The following ICA1 variants were observed in gnomAD, a reference collection of about 807,000 sequenced individuals.
ICA1 encodes the protein islet cell autoantigen 1, also known as 69 kDa islet cell autoantigen.
In ICA1, 40 loss-of-function variants were observed where a neutral mutation model predicts 71.0. The ratio of observed to expected loss-of-function variants is 0.56; its 90% CI spans 0.44 to 0.73. ICA1 has a LOEUF of 0.73. Ranked by LOEUF, ICA1 falls within the 30% of genes least tolerant of loss-of-function variation. The probability of loss-of-function intolerance (pLI) is 0.00; values close to 1 mark genes in which losing one functional copy is unlikely to be tolerated. For synonymous variants in ICA1, 207 were observed against 209.5 expected (o/e 0.99, Z 0.10); for missense variants, 578 against 576.5 (o/e 1.00, Z -0.03).
intron 1 of ICA1, among the ~76,000 whole-genome samples, chr7:8,249,548 T>C (rs1260856541): frequency 1.3e-5 from 2 of 152,242 alleles, no homozygotes; most frequent in Admixed American, 6.5e-5. Flanking sequence ...CCTGCCTTTG[T>C]TAGGGAGTTA....
chr7:8,141,909 A>C, intron 9 of ICA1, 92 bp from the exon 10 acceptor site: 1 of 1,298,534 alleles, frequency 7.7e-7, no homozygotes, highest in Non-Finnish European at 1.1e-6. Flanking sequence ...CTTCACTTTT[A>C]ACACAAACAC....
chr7:8,203,409 A>C (rs1477539360), intron 6 of ICA1, among the ~76,000 whole-genome samples: 1 of 152,230 alleles, frequency 6.6e-6, no homozygotes, highest in Non-Finnish European at 1.5e-5. Flanking sequence ...CTTCTAAAAT[A>C]GAGCAAAATT....
rs183332044 is a variant in ICA1, at chr7:8,189,027, C to G, written c.579+29278G>C. Among the ~76,000 whole-genome samples the G allele has an allele frequency of 6.2e-4, 94 of 152,270 alleles. 1 individual carries two copies. In the South Asian group the frequency reaches 6.2e-3, roughly 10 times the overall value. ...TAAAATAGAAATCAGGGGAGTGAGC[C>G]CGCGAGCCAACCCCTCTGCAAAGAC... On this transcript the variant is annotated intron_variant, in intron 6 of 13. Coordinates refer to ENST00000402384, the MANE Select transcript of ICA1 (RefSeq NM_001136020.3).
chr7:8,234,385 T>C lies in ICA1; in HGVS notation c.17+1525A>G, dbSNP rs1329078081. Among the ~76,000 whole-genome samples, 1 of 152,144 alleles carries C rather than the reference T, an allele frequency of 6.6e-6. No individual in the cohort carries two copies. Among genetic ancestry groups the C allele is most frequent in the African/African-American group, 2.4e-5 (1 of 41,438 alleles). ...ACATCCTCTTTGGACCTAGAGTCCCTGCCCCAAAGGCTCCCCTGACCCCCC... is the reference window on the plus strand; with the variant it reads ...ACATCCTCTTTGGACCTAGAGTCCCCGCCCCAAAGGCTCCCCTGACCCCCC... On this transcript the variant is annotated intron_variant, in intron 2 of 13. Transcript: ENST00000402384. The surrounding 1 kb of genome is among the most constrained non-coding windows in gnomAD (Gnocchi z 4.5).
At chr7:8,152,817 TCC>T (rs1562704199) in intron 8 of ICA1, among the ~76,000 whole-genome samples, 9 of 75,642 alleles carry the variant, frequency 1.2e-4, no homozygotes, top group African/African-American at 4.3e-4. Flanking sequence ...CACCACCATC[TCC>T]TTCAACACCA....
chr7:8,250,006 C>T (rs900155165), intron 1 of ICA1, among the ~76,000 whole-genome samples: 6 of 152,212 alleles, frequency 3.9e-5, no homozygotes, highest in Admixed American at 2.0e-4. Context: ...GGGAGGAACA[C>T]GGCCTGAGAG....
chr7:8,156,998 C>G, intron 8 of ICA1, 118 bp downstream of exon 8: 1 of 1,592,470 alleles, frequency 6.3e-7, no homozygotes, highest in Non-Finnish European at 8.6e-7. Flanking sequence ...GGGCACAGTT[C>G]TCTCTTCAGC....
At chr7:8,127,739 G>A in intron 13 of ICA1, 134 bp downstream of exon 13, 1 of 915,970 alleles carries the variant, frequency 1.1e-6, no homozygotes, top group Non-Finnish European at 1.7e-6. Flanking sequence ...ATGTGATTCT[G>A]AGTCTCCAGT....
intron 5 of ICA1, 26 bp downstream of exon 5, chr7:8,221,249 A>G: frequency 6.2e-7 from 1 of 1,612,780 alleles, no homozygotes; most frequent in Non-Finnish European, 8.5e-7. Flanking sequence ...ATCCCCCCAG[A>G]TAGAACCCCA....
chr7:8,171,600 GTTT>G (rs1808366363), intron 6 of ICA1, among the ~76,000 whole-genome samples: 1 of 148,592 alleles, frequency 6.7e-6, no homozygotes, highest in South Asian at 2.2e-4. Flanking sequence ...TTTCTCTATT[GTTT>G]TCTGTTTATG....
At chr7:8,233,597 T>C (rs1043285724) in intron 2 of ICA1, among the ~76,000 whole-genome samples, 8 of 152,032 alleles carry the variant, frequency 5.3e-5, no homozygotes, top group Non-Finnish European at 1.0e-4. Flanking sequence ...GGTTTCACTA[T>C]GTTGGCCAGG....
intron 1 of ICA1, among the ~76,000 whole-genome samples, chr7:8,251,061 C>T (rs2128525868): frequency 6.6e-6 from 1 of 152,046 alleles, no homozygotes; most frequent in South Asian, 2.1e-4. Flanking sequence ...CCAATAGGCC[C>T]AGCTAATTTT....
chr7:8,154,338 T>G (rs999257052), intron 8 of ICA1, among the ~76,000 whole-genome samples: 1 of 152,224 alleles, frequency 6.6e-6, no homozygotes. Context: ...TCTGTAATTC[T>G]GTAGCAAAAA....
chr7:8,251,551 T>C (rs1808210946), intron 1 of ICA1, among the ~76,000 whole-genome samples: 1 of 151,006 alleles, frequency 6.6e-6, no homozygotes, highest in Non-Finnish European at 1.5e-5. Context: ...GAACACAACA[T>C]CCTTTTCAAT....
intron 6 of ICA1, among the ~76,000 whole-genome samples, chr7:8,214,766 C>G (rs1285133117): frequency 6.6e-6 from 1 of 152,190 alleles, no homozygotes. Flanking sequence ...TCAGGTTTTT[C>G]ATTCATCATT....
intron 12 of ICA1, among the ~76,000 whole-genome samples, chr7:8,129,562 C>A (rs1050891710): frequency 6.6e-6 from 1 of 152,088 alleles, no homozygotes; most frequent in Non-Finnish European, 1.5e-5. Context: ...TCACTTTAGT[C>A]GGACAACTGT....
At position 8,113,647 on chromosome 7, in the gene ICA1, G is replaced by A. The variant is rs771844418; in HGVS notation, c.*276C>T. 49 of 278,388 alleles carry A rather than the reference G, an allele frequency of 1.8e-4. No homozygotes were observed. Among genetic ancestry groups the A allele is most frequent in the Non-Finnish European group, 2.6e-4 (37 of 144,542 alleles). The allele number at this position is 278,388 out of a possible 1,614,324, so 17.2% of individuals were successfully genotyped here. On this transcript the variant is annotated 3_prime_UTR_variant, in exon 14 of 14. Transcript: ENST00000402384. This position sits in a 1 kb window ranked among gnomAD's most constrained non-coding sequence, Gnocchi z 4.2. ...GATCTCACGGTAGCCCAGTGACACCGCAGCAGCCATGATGGGATGTAGGCA... is the reference window on the plus strand; with the variant it reads ...GATCTCACGGTAGCCCAGTGACACCACAGCAGCCATGATGGGATGTAGGCA...
chr7:8,237,118 C>G lies in ICA1; in HGVS notation c.-79-1113G>C, dbSNP rs3779359. ...AGAATTTCCAGAGTGTCAGATGCCTCTGATATGACAGCATCCTGCAGTGAA... is the reference window on the plus strand; with the variant it reads ...AGAATTTCCAGAGTGTCAGATGCCTGTGATATGACAGCATCCTGCAGTGAA... On this transcript the variant is annotated intron_variant, in intron 1 of 13. Transcript: ENST00000402384. Among the ~76,000 whole-genome samples the G allele has an allele frequency of 1.9e-3, 283 of 152,298 alleles. 3 individuals carry two copies. In the East Asian group the frequency reaches 0.049, roughly 26 times the overall value.
intron 13 of ICA1, among the ~76,000 whole-genome samples, chr7:8,118,071 T>C (rs1290631500): frequency 6.6e-6 from 1 of 152,218 alleles, no homozygotes; most frequent in African/African-American, 2.4e-5. Flanking sequence ...CAGAGTACTC[T>C]TTTAAACCGT....
Sources: allele counts gnomAD v4.1 joint callset (sites outside exome capture counted in the v4.1 genomes callset), GRCh38; gene constraint gnomAD v4.1.1; non-coding constraint Gnocchi (gnomAD v3.1); transcripts MANE v1.5; gene names NCBI Gene and HGNC (gene_info 2026-07-23, HGNC 2026-07-21).